The following ACAD9 variants were observed in gnomAD, a reference collection of about 807,000 sequenced individuals.
ACAD9 encodes the protein acyl-CoA dehydrogenase family member 9.
Under a neutral mutation model 70.2 loss-of-function variants are expected in ACAD9, and 53 were observed. The ratio of observed to expected loss-of-function variants is 0.75; its 90% CI spans 0.61 to 0.95. The LOEUF (loss-of-function observed/expected upper bound fraction) is 0.95, where lower values mean the gene tolerates loss of function less well. Among genes scored for constraint, ACAD9 ranks in the 40% least tolerant of loss-of-function variants. The probability of loss-of-function intolerance (pLI) is 0.00; values close to 1 mark genes in which losing one functional copy is unlikely to be tolerated. For synonymous variants in ACAD9, 313 were observed against 312.1 expected, an observed-to-expected ratio of 1.00 and a Z score of -0.03; for missense variants, 777 against 802.8, an observed-to-expected ratio of 0.97 and a Z score of 0.39.
At chr3:128,901,135 A>T in intron 7 of ACAD9, 141 bp from the exon 8 acceptor site, 1 of 792,698 alleles carries the variant, frequency 1.3e-6, no homozygotes, top group African/African-American at 1.7e-5. Flanking sequence ...CTCCACAAAG[A>T]TAGGAACTTT....
intron 14 of ACAD9, 51 bp from the exon 15 acceptor site, chr3:128,909,293 C>G (rs1936029340): frequency 6.2e-7 from 1 of 1,606,736 alleles, no homozygotes. Context: ...TGAGACAGGA[C>G]AGGGCACTGT....
At chr3:128,894,880 T>C (rs1935525534) in intron 3 of ACAD9, among the ~76,000 whole-genome samples, 1 of 146,924 alleles carries the variant, frequency 6.8e-6, no homozygotes, top group Admixed American at 6.7e-5. Flanking sequence ...TGATTTTTTT[T>C]TTTTTTTTTT....
At chr3:128,909,875 C>T in intron 15 of ACAD9, 146 bp from the exon 16 acceptor site, 1 of 1,192,150 alleles carries the variant, frequency 8.4e-7, no homozygotes, top group Non-Finnish European at 1.2e-6. Context: ...AGCCGTTCTC[C>T]CACAACCTGA....
intron 2 of ACAD9, among the ~76,000 whole-genome samples, chr3:128,892,035 G>A (rs923492568): frequency 6.6e-6 from 1 of 152,132 alleles, no homozygotes; most frequent in African/African-American, 2.4e-5. Flanking sequence ...AGTTAAAGAA[G>A]CCCGGGAAAA....
chr3:128,906,326 G>A (rs930274064), intron 12 of ACAD9, 77 bp downstream of exon 12: 71 of 1,587,490 alleles, frequency 4.5e-5, no homozygotes, highest in African/African-American at 8.1e-5. Flanking sequence ...TCAGGGCCTC[G>A]CAGAGGCCCC....
At chr3:128,889,895 C>T (rs1472392295) in intron 2 of ACAD9, among the ~76,000 whole-genome samples, 4 of 152,198 alleles carry the variant, frequency 2.6e-5, no homozygotes, top group South Asian at 4.2e-4. Context: ...GATCATAGCT[C>T]ACTGCAACCC....
At chr3:128,884,565 A>G in intron 1 of ACAD9, 88 bp from the exon 2 acceptor site, 1 of 946,684 alleles carries the variant, frequency 1.1e-6, no homozygotes, top group Non-Finnish European at 1.7e-6. Context: ...GGAGTGGAGC[A>G]CATGTTTTTC....
intron 4 of ACAD9, 59 bp from the exon 5 acceptor site, chr3:128,896,377 A>G: frequency 1.3e-6 from 2 of 1,521,142 alleles, no homozygotes; most frequent in Non-Finnish European, 1.8e-6. Context: ...TGTTTCACAA[A>G]CACCTCATGC....
rs1426604792 is a variant in ACAD9, at chr3:128,897,671, A to G, written c.594A>G (p.Leu198=). The G allele has an allele frequency of 6.2e-7, 1 of 1,613,772 alleles. No homozygotes were observed. Among genetic ancestry groups the G allele is most frequent in the Non-Finnish European group, 8.5e-7 (1 of 1,179,916 alleles). Residue 198 remains leucine (L), a synonymous_variant, in exon 6 of 18, where the codon CTA becomes CTG. Transcript: ENST00000308982. ...DAASIRSRAT[L]SEDKKHYILN... ...CCTCAATCCGGAGCAGAGCCACACTAAGTGAAGACAAGAAGCACTACATCC... is the reference window on the plus strand; with the variant it reads ...CCTCAATCCGGAGCAGAGCCACACTGAGTGAAGACAAGAAGCACTACATCC...
rs60011110 is a variant in ACAD9 at position 128,906,540 on chromosome 3, T to C, written c.1278+291T>C. Among the ~76,000 whole-genome samples, 24 of 152,100 alleles carry C rather than the reference T, an allele frequency of 1.6e-4. 1 individual carries two copies. The highest frequency in any genetic ancestry group is 6.8e-3 in the Middle Eastern group (2 of 294). ...GTGCAGCAGGGCCGACCAAGGGAGA[T>C]GACAGAGTGTAAAGAGGCAGGGAGC... On this transcript the variant is annotated intron_variant, in intron 12 of 17. Coordinates refer to ENST00000308982, the MANE Select transcript of ACAD9 (RefSeq NM_014049.5).
At chr3:128,910,902 C>T (rs746471190) in intron 17 of ACAD9, 89 bp downstream of exon 17, 1 of 1,474,686 alleles carries the variant, frequency 6.8e-7, no homozygotes, top group Non-Finnish European at 9.5e-7. Context: ...GTCAAGCTCC[C>T]AGAGCCTGCT....
intron 11 of ACAD9, among the ~76,000 whole-genome samples, chr3:128,905,525 T>C (rs530551991): frequency 1.3e-5 from 2 of 152,328 alleles, no homozygotes; most frequent in African/African-American, 4.8e-5. Context: ...ACCTAAAAGG[T>C]TGGGATCCTG....
At chr3:128,899,221 AAGAC>A (rs1394400557) in intron 6 of ACAD9, 62 bp from the exon 7 acceptor site, 6 of 1,566,982 alleles carry the variant, frequency 3.8e-6, no homozygotes, top group Non-Finnish European at 5.3e-6. Flanking sequence ...TTGATGGACA[AAGAC>A]AGAGCTGAGG....
chr3:128,885,212 C>A (rs1935211001), intron 2 of ACAD9, among the ~76,000 whole-genome samples: 1 of 152,198 alleles, frequency 6.6e-6, no homozygotes, highest in Admixed American at 6.5e-5. Context: ...GGTGAGGCAG[C>A]ATTTGACCTC....
chr3:128,895,343 G>A lies in ACAD9; in HGVS notation c.380G>A (p.Arg127Lys). Reference protein sequence around the residue: ...GLGFSNTMYSRLGEIISMDGS... With the variant: ...GLGFSNTMYSKLGEIISMDGS... ...GGCTTCTCCAACACCATGTACTCAA[G>A]ACTAGGGGAGATCATCAGCATGGAT... is the stretch of plus-strand genomic sequence containing the variant. Residue 127 changes from arginine to lysine, a missense_variant, in exon 4 of 18, where the codon AGA becomes AAA. Arg to Lys is a conservative substitution (Grantham distance 26). Transcript: ENST00000308982. 2.5e-6 allele frequency: 4 copies of A among 1,612,876 alleles called. No individual in the cohort carries two copies. Among genetic ancestry groups the A allele is most frequent in the Non-Finnish European group, 2.5e-6 (3 of 1,179,512 alleles).
intron 16 of ACAD9, among the ~76,000 whole-genome samples, 183 bp from the exon 17 acceptor site, chr3:128,910,558 C>T (rs1936171355): frequency 6.6e-6 from 1 of 152,194 alleles, no homozygotes; most frequent in African/African-American, 2.4e-5. Flanking sequence ...TGTTGAGTCA[C>T]TTGCTGTTGG....
chr3:128,910,794 CCTCT>C lies in ACAD9; in HGVS notation c.1750_1753del (p.Gln585TrpfsTer9), dbSNP rs1559834691. On this transcript the variant is annotated frameshift_variant, in exon 17 of 18. Coordinates refer to ENST00000308982, the MANE Select transcript of ACAD9 (RefSeq NM_014049.5). LOFTEE classifies it high-confidence loss of function. ...AAGCTTACTTGCAGAATCTCTTCAG[CCTCT>C]CTCAGCTGGACAAGTGTGAGTGGCA... 1 of 1,614,086 alleles carries C rather than the reference CCTCT, an allele frequency of 6.2e-7. No individual in the cohort carries two copies. The highest frequency in any genetic ancestry group is 1.3e-5 in the African/African-American group (1 of 74,936).
rs754354849 is a variant in ACAD9 at position 128,879,647 on chromosome 3, C to G, written c.-45C>G. ...CAGACGTGTGTGTGTCCCTGCGGCG[C>G]TAAGAAGGGGAGACTGAGGCTGAGG... On this transcript the variant is annotated 5_prime_UTR_variant, in exon 1 of 18. Transcript: ENST00000308982. 1 of 1,609,114 alleles carries G rather than the reference C, an allele frequency of 6.2e-7. No homozygotes were observed. Among genetic ancestry groups the G allele is most frequent in the South Asian group, 1.1e-5 (1 of 90,942 alleles).
At chr3:128,896,336 C>T in intron 4 of ACAD9, 100 bp from the exon 5 acceptor site, 1 of 1,272,594 alleles carries the variant, frequency 7.9e-7, no homozygotes, top group Non-Finnish European at 1.1e-6. Context: ...TCTTCTCTTG[C>T]CCGAAGTAAA....
Sources: allele counts gnomAD v4.1 joint callset (sites outside exome capture counted in the v4.1 genomes callset), GRCh38; gene constraint gnomAD v4.1.1; transcripts MANE v1.5; gene names NCBI Gene and HGNC (gene_info 2026-07-23, HGNC 2026-07-21).